The following SIGLECL1 variants were observed in gnomAD, a reference collection of about 807,000 sequenced individuals.
The protein encoded by SIGLECL1 is SIGLEC family like 1.
SIGLECL1 carries 16 observed loss-of-function variants against 19.1 expected under a neutral mutation model. The ratio of observed to expected loss-of-function variants is 0.84; its 90% CI spans 0.57 to 1.27. The LOEUF (loss-of-function observed/expected upper bound fraction) is 1.27. Among genes scored for constraint, SIGLECL1 ranks in the 50% most tolerant of loss-of-function variants. The probability of loss-of-function intolerance (pLI) is 0.00; values close to 1 mark genes in which losing one functional copy is unlikely to be tolerated. For synonymous variants in SIGLECL1, 89 were observed against 90.4 expected, an observed-to-expected ratio of 0.98 and a Z score of 0.09; for missense variants, 210 against 239.4, an observed-to-expected ratio of 0.88 and a Z score of 0.81.
chr19:51,268,647 C>T lies in SIGLECL1; in HGVS notation c.*50C>T. ...GGAGTCGCCATTATCCCTGGAATTA[C>T]AAAGATCTGCAAAATTTATAGCGCT... On this transcript the variant is annotated 3_prime_UTR_variant, in exon 6 of 6. Coordinates refer to ENST00000601727, the MANE Select transcript of SIGLECL1 (RefSeq NM_001385465.1). 6.3e-7 allele frequency: 1 copy of T among 1,582,762 alleles called. No homozygotes were observed. The highest frequency in any genetic ancestry group is 8.6e-7 in the Non-Finnish European group (1 of 1,159,696).
chr19:51,268,691 T>C lies in SIGLECL1; in HGVS notation c.*94T>C. On this transcript the variant is annotated 3_prime_UTR_variant, in exon 6 of 6. Coordinates refer to ENST00000601727, the MANE Select transcript of SIGLECL1 (RefSeq NM_001385465.1). ...TAGCGCTCACAGAAACCCTGGAGGC[T>C]GTAATAAACCTGGAGCCCCCTGGAC... The C allele has an allele frequency of 2.3e-6, 3 of 1,330,790 alleles. No homozygotes were observed. Among genetic ancestry groups the C allele is most frequent in the Non-Finnish European group, 3.1e-6 (3 of 953,138 alleles). The allele number at this position is 1,330,790 out of a possible 1,614,324, so 82.4% of individuals were successfully genotyped here. A position where few individuals can be genotyped will look rare whatever the true frequency, so the allele number is the denominator to read the frequency against.
At chr19:51,267,181 T>G (rs773943989) in intron 4 of SIGLECL1, among the ~76,000 whole-genome samples, 192 bp from the exon 5 acceptor site, 12 of 152,180 alleles carry the variant, frequency 7.9e-5, no homozygotes, top group Non-Finnish European at 1.8e-4. Context: ...CCCCACAGCC[T>G]AATAAGCAGG....
At chr19:51,253,095 C>A (rs1025281656) in intron 1 of SIGLECL1, among the ~76,000 whole-genome samples, 8 of 140,304 alleles carry the variant, frequency 5.7e-5, no homozygotes, top group Non-Finnish European at 1.1e-4. Flanking sequence ...CCACTGCACT[C>A]CAGACCCTGT....
upstream of SIGLECL1, among the ~76,000 whole-genome samples, chr19:51,250,042 A>G (rs1034824804): frequency 1.3e-5 from 2 of 149,468 alleles, no homozygotes; most frequent in African/African-American, 4.9e-5. Context: ...ACCAGAGGTC[A>G]CTCTCATTGT....
rs144778501 is a variant in SIGLECL1, at chr19:51,267,509, T to G, written c.547T>G (p.Phe183Val). ...EEPGKPVVAT[F>V]SESRILEKQD... ...ACCAGGAAAACCCGTAGTCGCCACA[T>G]TTTCTGAGAGCCGGATATTGGTATG... is the stretch of plus-strand genomic sequence containing the variant. The change falls in exon 5 of 6, where the codon TTT (phenylalanine) becomes GTT (valine). Residue 183 changes from phenylalanine to valine, a missense_variant. By Grantham distance (50) the Phe-to-Val change is conservative (BLOSUM62 -1). Coordinates refer to ENST00000601727, the MANE Select transcript of SIGLECL1 (RefSeq NM_001385465.1). 2.5e-6 allele frequency: 4 copies of G among 1,614,178 alleles called. No homozygotes were observed. In the African/African-American group the frequency reaches 4.0e-5, roughly 16 times the overall value.
intron 1 of SIGLECL1, among the ~76,000 whole-genome samples, chr19:51,252,336 T>C (rs1982543844): frequency 6.6e-6 from 1 of 150,942 alleles, no homozygotes; most frequent in Non-Finnish European, 1.5e-5. Context: ...GAAAATATAA[T>C]GGGTGCATGA....
intron 1 of SIGLECL1, among the ~76,000 whole-genome samples, chr19:51,253,819 C>T (rs1172794416): frequency 6.6e-6 from 1 of 152,192 alleles, no homozygotes; most frequent in Non-Finnish European, 1.5e-5. Context: ...GTAACGGCTG[C>T]ATGTCTTGGG....
At chr19:51,253,939 T>C (rs1293036698) in intron 1 of SIGLECL1, among the ~76,000 whole-genome samples, 1 of 152,202 alleles carries the variant, frequency 6.6e-6, no homozygotes, top group African/African-American at 2.4e-5. Context: ...TTTCTACGTC[T>C]CTAGAGTTGT....
At chr19:51,268,470 T>C (rs1983839852) in intron 5 of SIGLECL1, 101 bp from the exon 6 acceptor site, 1 of 1,276,830 alleles carries the variant, frequency 7.8e-7, no homozygotes, top group African/African-American at 1.5e-5. Flanking sequence ...GTTGCCTTAA[T>C]TCTGTGCACA....
chr19:51,269,288 C>T lies in SIGLECL1; in HGVS notation c.*691C>T, dbSNP rs1350382063. The T allele has an allele frequency of 1.3e-5, 2 of 152,210 alleles. No homozygotes were observed. The highest frequency in any genetic ancestry group is 6.5e-5 in the Admixed American group (1 of 15,284). 9.4% of individuals were successfully genotyped at this position (152,210 alleles called of 1,614,324 possible). On this transcript the variant is annotated 3_prime_UTR_variant, in exon 6 of 6. Transcript: ENST00000601727. ...CTGCCTTGTTTTCTACTTTTATCAC[C>T]AGCACCCAGAATGATGCCTAAAATA...
chr19:51,254,146 C>T (rs938446871), intron 1 of SIGLECL1, among the ~76,000 whole-genome samples: 9 of 151,902 alleles, frequency 5.9e-5, no homozygotes, highest in East Asian at 5.8e-4. Context: ...TAGCAAGACT[C>T]GACTCTCTCT....
intron 1 of SIGLECL1, among the ~76,000 whole-genome samples, chr19:51,254,175 T>A (rs561309778): frequency 3.9e-4 from 59 of 152,134 alleles, no homozygotes; most frequent in African/African-American, 1.2e-3. Flanking sequence ...AATATTTTTT[T>A]TAAATGAATT....
chr19:51,263,807 CACAG>C (rs1265105560), intron 1 of SIGLECL1, 72 bp from the exon 2 acceptor site: 12 of 381,648 alleles, frequency 3.1e-5, no homozygotes, highest in Middle Eastern at 5.1e-4. Flanking sequence ...ACTGAGGCTT[CACAG>C]ACAATCTTAG....
intron 4 of SIGLECL1, 135 bp downstream of exon 4, chr19:51,266,017 A>T: frequency 1.2e-6 from 1 of 804,722 alleles, no homozygotes; most frequent in Non-Finnish European, 2.0e-6. Flanking sequence ...AGATGTACCA[A>T]ACATGGTCAC....
chr19:51,255,503 C>CTA (rs1184934929), intron 1 of SIGLECL1, among the ~76,000 whole-genome samples: 1 of 152,004 alleles, frequency 6.6e-6, no homozygotes, highest in Non-Finnish European at 1.5e-5. Context: ...AAGAGACAAC[C>CTA]TACAGAATGG....
At chr19:51,255,670 CCAA>C (rs964454506) in intron 1 of SIGLECL1, among the ~76,000 whole-genome samples, 3 of 152,010 alleles carry the variant, frequency 2.0e-5, no homozygotes, top group South Asian at 2.1e-4. Flanking sequence ...ACCAAAATGG[CCAA>C]CAAGTATATA....
intron 1 of SIGLECL1, among the ~76,000 whole-genome samples, chr19:51,260,715 G>C (rs1354428490): frequency 6.6e-6 from 1 of 152,106 alleles, no homozygotes; most frequent in Non-Finnish European, 1.5e-5. Context: ...TTCTCACCAA[G>C]ACTTGATATA....
rs1000588998 is a variant in SIGLECL1, at chr19:51,251,341, A to C, written c.-395A>C. 1 of 152,662 alleles carries C rather than the reference A, an allele frequency of 6.6e-6. No homozygotes were observed. Among genetic ancestry groups the C allele is most frequent in the African/African-American group, 2.4e-5 (1 of 41,458 alleles). The allele number at this position is 152,662 out of a possible 1,614,324, so 9.5% of individuals were successfully genotyped here. ...GATCCTTGGGCCGTGGGGCAGCCGC[A>C]GGTCGGTTAGGCCACCAGGGCGGCT... On this transcript the variant is annotated 5_prime_UTR_variant, in exon 1 of 6. Coordinates refer to ENST00000601727, the MANE Select transcript of SIGLECL1 (RefSeq NM_001385465.1).
Position 51,265,457 on chromosome 19 carries a change from CA to C in SIGLECL1, c.113del (p.Gln38ArgfsTer20). 6 of 1,614,136 alleles carry C rather than the reference CA, an allele frequency of 3.7e-6. No individual in the cohort carries two copies. Among genetic ancestry groups the C allele is most frequent in the Non-Finnish European group, 5.1e-6 (6 of 1,180,024 alleles). Reference sequence around the variant, plus strand: ...CCATGGGATTCCCACACCCTCTGTGCAGTGGTGGATGGGAGGAGTCCCCGTG... The same window carrying C: ...CCATGGGATTCCCACACCCTCTGTGCGTGGTGGATGGGAGGAGTCCCCGTG... ...SFHGIPTPSV[Q>X]WWMGGVPVGV... is the part of the protein sequence containing the mutation. On this transcript the variant is annotated frameshift_variant, in exon 3 of 6. Coordinates refer to ENST00000601727, the MANE Select transcript of SIGLECL1 (RefSeq NM_001385465.1). LOFTEE classifies it high-confidence loss of function.
Sources: allele counts gnomAD v4.1 joint callset (sites outside exome capture counted in the v4.1 genomes callset), GRCh38; gene constraint gnomAD v4.1.1; transcripts MANE v1.5; gene names NCBI Gene and HGNC (gene_info 2026-07-23, HGNC 2026-07-21).